Variants in SNTG1 observed in about 807,000 individuals in gnomAD.
SNTG1 encodes gamma-1-syntrophin.
SNTG1 carries 39 observed loss-of-function variants against 74.7 expected under a neutral mutation model. The observed-to-expected ratio is 0.52, with a 90% CI of 0.40 to 0.68. The LOEUF is 0.68. SNTG1 is among the 30% of genes least tolerant of loss of function. The pLI is 0.00. For missense variants in SNTG1, 685 were observed against 609.5 expected (o/e 1.12, Z -1.30); for synonymous variants, 254 against 217.1 (o/e 1.17, Z -1.49).
rs146437398 is a variant in SNTG1, at chr8:50,016,207, T to C, written c.-103+103976T>C. 2.4e-3 allele frequency among the ~76,000 whole-genome samples: 366 copies of C among 152,246 alleles called. 3 individuals are homozygous for C. The highest frequency in any genetic ancestry group is 8.4e-3 in the African/African-American group (350 of 41,556). On this transcript the variant is annotated intron_variant, in intron 1 of 18. Transcript: ENST00000642720. ...CTTCTTCTCAATGCAACCACTGAGC[T>C]GGTAGTCACCAGTTTTCATATAAAA...
chr8:50,320,879 C>A (rs2090502475), intron 2 of SNTG1, among the ~76,000 whole-genome samples: 1 of 152,066 alleles, frequency 6.6e-6, no homozygotes, highest in South Asian at 2.1e-4. Context: ...AGAGAACATA[C>A]ATGACATTAT....
intron 13 of SNTG1, among the ~76,000 whole-genome samples, chr8:50,610,412 C>G (rs2094841887): frequency 6.6e-6 from 1 of 152,114 alleles, no homozygotes; most frequent in African/African-American, 2.4e-5. Flanking sequence ...TTTGGGGGCT[C>G]TTTTCTCTGC....
At chr8:50,153,287 A>G (rs986971139) in intron 1 of SNTG1, among the ~76,000 whole-genome samples, 3 of 152,090 alleles carry the variant, frequency 2.0e-5, no homozygotes, top group African/African-American at 7.2e-5. Context: ...TACACTGGTT[A>G]TTCTAGTTAG....
intron 2 of SNTG1, among the ~76,000 whole-genome samples, chr8:50,248,499 T>A (rs945937731): frequency 6.6e-6 from 1 of 152,190 alleles, no homozygotes; most frequent in African/African-American, 2.4e-5. Context: ...TCTCTCTGCA[T>A]ACCACTTTCC....
intron 8 of SNTG1, among the ~76,000 whole-genome samples, chr8:50,495,300 G>C (rs1350926093): frequency 6.6e-6 from 1 of 151,872 alleles, no homozygotes; most frequent in Non-Finnish European, 1.5e-5. Flanking sequence ...TACATACAAT[G>C]CCTCCCCAGG....
At chr8:50,339,951 C>T (rs11997100) in intron 2 of SNTG1, among the ~76,000 whole-genome samples, 17,869 of 151,556 alleles carry the variant, frequency 0.12, 1,092 homozygotes, top group Middle Eastern at 0.15. Context: ...TATAAGGACA[C>T]AGATAGGTTA....
In SNTG1 at chr8:50,236,216, G is replaced by A. The variant is rs575586294; in HGVS notation, c.-28+63581G>A. ...ATTATAATATGCTATATCTTGCTCAGGTGTACTGAATACAAAAGTAACACA... is the reference window on the plus strand; with the variant it reads ...ATTATAATATGCTATATCTTGCTCAAGTGTACTGAATACAAAAGTAACACA... On this transcript the variant is annotated intron_variant, in intron 2 of 18. Transcript: ENST00000642720. Among the ~76,000 whole-genome samples the A allele has an allele frequency of 1.1e-4, 16 of 152,116 alleles. 1 individual carries two copies. Among genetic ancestry groups the A allele is most frequent in the African/African-American group, 3.9e-4 (16 of 41,504 alleles).
At chr8:50,318,181 G>A (rs28380179) in intron 2 of SNTG1, among the ~76,000 whole-genome samples, 11,303 of 151,956 alleles carry the variant, frequency 0.074, 464 homozygotes, top group African/African-American at 0.1. Context: ...CTTGCTCCCT[G>A]GACTTGAGAG....
At chr8:50,248,452 T>C (rs1028249403) in intron 2 of SNTG1, among the ~76,000 whole-genome samples, 1 of 152,216 alleles carries the variant, frequency 6.6e-6, no homozygotes, top group Non-Finnish European at 1.5e-5. Context: ...GATTTACTTG[T>C]CCCAAAGATT....
chr8:50,401,787 A>T (rs997875728), intron 3 of SNTG1, among the ~76,000 whole-genome samples: 1 of 152,180 alleles, frequency 6.6e-6, no homozygotes, highest in Non-Finnish European at 1.5e-5. Flanking sequence ...AATTGATTAC[A>T]GTGATGGTTG....
chr8:50,347,948 TATA>T (rs2091530434), intron 2 of SNTG1, among the ~76,000 whole-genome samples: 3 of 152,342 alleles, frequency 2.0e-5, no homozygotes, highest in Middle Eastern at 3.4e-3. Flanking sequence ...ATATATATGA[TATA>T]ATGTTACAGG....
At chr8:50,028,656 G>T (rs935847513) in intron 1 of SNTG1, among the ~76,000 whole-genome samples, 1 of 151,868 alleles carries the variant, frequency 6.6e-6, no homozygotes, top group African/African-American at 2.4e-5. Flanking sequence ...CGAGTTAGTG[G>T]GTGCAGCGCA....
chr8:49,936,820 T>A (rs1808121172), intron 1 of SNTG1, among the ~76,000 whole-genome samples: 1 of 152,188 alleles, frequency 6.6e-6, no homozygotes, highest in South Asian at 2.1e-4. Context: ...ATTGAAATAC[T>A]TATTGATACA....
At chr8:50,784,103 T>C (rs916877718) in intron 18 of SNTG1, among the ~76,000 whole-genome samples, 1 of 152,126 alleles carries the variant, frequency 6.6e-6, no homozygotes. Context: ...TGTAAAAGAG[T>C]AGGAGATCCA....
intron 17 of SNTG1, among the ~76,000 whole-genome samples, chr8:50,732,722 A>AC (rs548894278): frequency 1.8e-4 from 28 of 151,890 alleles, no homozygotes; most frequent in African/African-American, 5.8e-4. Context: ...TTATGTAAAT[A>AC]TTTTTTCCAC....
intron 1 of SNTG1, among the ~76,000 whole-genome samples, chr8:49,972,194 C>A (rs1480294069): frequency 2.6e-5 from 4 of 152,038 alleles, no homozygotes; most frequent in Non-Finnish European, 5.9e-5. Flanking sequence ...CAGAACAGAG[C>A]CCTCAGAAAT....
intron 4 of SNTG1, among the ~76,000 whole-genome samples, chr8:50,431,159 T>C (rs2093230862): frequency 6.6e-6 from 1 of 152,202 alleles, no homozygotes; most frequent in Non-Finnish European, 1.5e-5. Flanking sequence ...TTGCATACAT[T>C]AAGGTTACTC....
At chr8:50,560,028 G>A (rs2094478029) in intron 12 of SNTG1, among the ~76,000 whole-genome samples, 1 of 151,802 alleles carries the variant, frequency 6.6e-6, no homozygotes, top group African/African-American at 2.4e-5. Flanking sequence ...ACATTTACAA[G>A]AACAAAAATA....
intron 18 of SNTG1, among the ~76,000 whole-genome samples, chr8:50,782,443 A>C (rs2095662388): frequency 6.6e-6 from 1 of 151,878 alleles, no homozygotes; most frequent in Non-Finnish European, 1.5e-5. Flanking sequence ...TTCTCACTTC[A>C]TTTCATTCAT....
Sources: allele counts gnomAD v4.1 joint callset (sites outside exome capture counted in the v4.1 genomes callset), GRCh38; gene constraint gnomAD v4.1.1; transcripts MANE v1.5; gene names NCBI Gene and HGNC (gene_info 2026-07-23, HGNC 2026-07-21).